The following CCDC158 variants were observed in gnomAD, a reference collection of about 807,000 sequenced individuals.
CCDC158 encodes coiled-coil domain containing 158.
CCDC158 carries 116 observed loss-of-function variants against 138.6 expected under a neutral mutation model. The observed-to-expected ratio is 0.84, with a 90% confidence interval of 0.72 to 0.98. The LOEUF is 0.98. Ranked by LOEUF, CCDC158 falls within the 50% of genes least tolerant of loss-of-function variation. The pLI, the probability that CCDC158 is intolerant of heterozygous loss-of-function variation, is 0.00. For synonymous variants in CCDC158, 436 were observed against 442.4 expected, an observed-to-expected ratio of 0.99 and a Z score of 0.18; for missense variants, 1,265 against 1,306.1, an observed-to-expected ratio of 0.97 and a Z score of 0.48.
At chr4:76,370,872 C>T (rs1257390993) in intron 10 of CCDC158, among the ~76,000 whole-genome samples, 3 of 152,238 alleles carry the variant, frequency 2.0e-5, no homozygotes, top group African/African-American at 7.2e-5. Flanking sequence ...GCAAAGAGCA[C>T]CATTCCCTGG....
chr4:76,398,878 A>G (rs1277465512), intron 3 of CCDC158, among the ~76,000 whole-genome samples: 1 of 152,170 alleles, frequency 6.6e-6, no homozygotes, highest in Non-Finnish European at 1.5e-5. Context: ...TTTAAAGAGA[A>G]TAAGGAGAAC....
intron 4 of CCDC158, 61 bp downstream of exon 4, chr4:76,396,208 A>T: frequency 2.5e-6 from 3 of 1,199,040 alleles, no homozygotes; most frequent in Non-Finnish European, 3.6e-6. Context: ...TTACAACTAC[A>T]TACTGGATCT....
intron 3 of CCDC158, among the ~76,000 whole-genome samples, chr4:76,397,624 G>C (rs9968411): frequency 0.59 from 90,018 of 151,998 alleles, 27,815 homozygotes; most frequent in East Asian, 0.8. Context: ...TTGTAGAAGA[G>C]AGAAAATGAA....
chr4:76,348,296 G>A (rs190862484), intron 18 of CCDC158, among the ~76,000 whole-genome samples: 25 of 150,502 alleles, frequency 1.7e-4, no homozygotes, highest in Middle Eastern at 6.9e-3. Flanking sequence ...TTAGCCAGGC[G>A]AGGTGGTGGG....
At position 76,421,006 on chromosome 4, in the gene CCDC158, G is replaced by C. The variant is rs56367238; in HGVS notation, c.-158C>G. ...ATCCTAAGACACCGGCCACATCTCC[G>C]CGGGGCGCCGGCGGGCGCAGCGGCC... is the stretch of plus-strand genomic sequence containing the variant. On this transcript the variant is annotated 5_prime_UTR_variant, in exon 1 of 25. Coordinates refer to ENST00000682701, the MANE Select transcript of CCDC158 (RefSeq NM_001394954.1). 0.31 allele frequency among the ~76,000 whole-genome samples: 46,858 copies of C among 151,818 alleles called. 9,184 individuals are homozygous for C. Among genetic ancestry groups the C allele is most frequent in the Non-Finnish European group, 0.44 (29,916 of 67,876 alleles).
intron 21 of CCDC158, among the ~76,000 whole-genome samples, chr4:76,330,773 T>C (rs982631831): frequency 6.6e-6 from 1 of 152,136 alleles, no homozygotes; most frequent in Admixed American, 6.5e-5. Context: ...CATATGCAAA[T>C]ACTATGCCAT....
In CCDC158 at chr4:76,384,099, T is replaced by G. The variant is rs530525022; in HGVS notation, c.715A>C (p.Arg239=). The G allele has an allele frequency of 1.3e-6, 2 of 1,598,658 alleles. No homozygotes were observed. Among genetic ancestry groups the G allele is most frequent in the South Asian group, 2.2e-5 (2 of 90,152 alleles). Residue 239 remains arginine, a synonymous_variant, in exon 6 of 25, where the codon AGG becomes CGG. Transcript: ENST00000682701. ...LDTEISYLKG[R]IFPVEDQLEA... ...TTCTCACCACTTACTGGAAATATCC[T>G]CCCTTTAAGATAAGAAATCTCTGTG...
At chr4:76,332,189 A>T (rs1238322178) in intron 20 of CCDC158, among the ~76,000 whole-genome samples, 3 of 152,156 alleles carry the variant, frequency 2.0e-5, no homozygotes, top group Admixed American at 6.6e-5. Context: ...TACCATAATA[A>T]TAGCTTCATA....
intron 18 of CCDC158, among the ~76,000 whole-genome samples, chr4:76,337,808 T>C (rs1166153796): frequency 2.0e-5 from 3 of 151,930 alleles, no homozygotes; most frequent in African/African-American, 4.8e-5. Context: ...ATCAGGCTTG[T>C]AAAGAAATAA....
rs202150852 is a variant in CCDC158 at position 76,382,663 on chromosome 4, A to G, written c.861T>C (p.Ala287=). The G allele has an allele frequency of 1.2e-6, 2 of 1,613,754 alleles. No homozygotes were observed. Among genetic ancestry groups the G allele is most frequent in the Non-Finnish European group, 1.7e-6 (2 of 1,179,782 alleles). The change falls in exon 8 of 25, where the codon GCT becomes GCC. Residue 287 remains alanine (A), a synonymous_variant. Transcript: ENST00000682701. ...EVEITGLTEK[A]SSARSQANSI... is the part of the protein sequence containing the mutation. ...TATTGGCTTGGCTTCGAGCACTGCT[A>G]GCTTTCTCAGTAAGTCCTGTTATTT...
chr4:76,314,756 C>G (rs1486677406), intron 24 of CCDC158, among the ~76,000 whole-genome samples: 1 of 152,168 alleles, frequency 6.6e-6, no homozygotes, highest in Non-Finnish European at 1.5e-5. Flanking sequence ...GGAAGCCATC[C>G]CTGACTATAT....
chr4:76,409,192 T>A (rs373859960), intron 2 of CCDC158, among the ~76,000 whole-genome samples: 3 of 152,344 alleles, frequency 2.0e-5, no homozygotes, highest in African/African-American at 7.2e-5. Context: ...TGACCATATA[T>A]CCTGAATTTG....
chr4:76,413,376 G>A (rs993474600), intron 1 of CCDC158, among the ~76,000 whole-genome samples: 4 of 150,970 alleles, frequency 2.6e-5, no homozygotes, highest in East Asian at 2.0e-4. Context: ...TCAGGAGGCC[G>A]AGGTGGGAGT....
At chr4:76,399,700 AG>A (rs775712584) in intron 3 of CCDC158, among the ~76,000 whole-genome samples, 27 of 152,256 alleles carry the variant, frequency 1.8e-4, no homozygotes, top group Non-Finnish European at 2.6e-4. Flanking sequence ...TTTGGGGAAA[AG>A]GGTTTTTGTC....
intron 2 of CCDC158, among the ~76,000 whole-genome samples, chr4:76,411,441 C>T: frequency 6.6e-6 from 1 of 152,062 alleles, no homozygotes; most frequent in East Asian, 1.9e-4. Flanking sequence ...AATCCCAATA[C>T]TATCTTTATA....
chr4:76,403,333 T>C, intron 2 of CCDC158, 53 bp from the exon 3 acceptor site: 6 of 555,522 alleles, frequency 1.1e-5, no homozygotes, highest in East Asian at 3.4e-5. Flanking sequence ...GTGAAAAAAG[T>C]TCATAGAAGA....
At chr4:76,323,915 C>T (rs1720279665) in intron 23 of CCDC158, among the ~76,000 whole-genome samples, 1 of 152,154 alleles carries the variant, frequency 6.6e-6, no homozygotes, top group South Asian at 2.1e-4. Context: ...CATGATCACA[C>T]TGAACCTAGA....
In CCDC158 at chr4:76,328,943, T is replaced by C; in HGVS notation, c.2967A>G (p.Gly989=). The change falls in exon 22 of 25, where the codon GGA becomes GGG. Residue 989 remains glycine (G), a synonymous_variant. Transcript: ENST00000682701. Reference sequence around the variant, plus strand: ...AGCAACCAGAGGGATCTTCCCTGTCTCCTGCGTGTAATGTGACTGGCTCTC... The same window carrying C: ...AGCAACCAGAGGGATCTTCCCTGTCCCCTGCGTGTAATGTGACTGGCTCTC... The part of the protein sequence containing the change: ...LSREPVTLHA[G]DREDPSGCFT... The C allele has an allele frequency of 6.2e-7, 1 of 1,613,942 alleles. No homozygotes were observed. Among genetic ancestry groups the C allele is most frequent in the Non-Finnish European group, 8.5e-7 (1 of 1,179,816 alleles).
At chr4:76,370,721 G>A (rs7687227) in intron 10 of CCDC158, among the ~76,000 whole-genome samples, 14 of 152,224 alleles carry the variant, frequency 9.2e-5, no homozygotes, top group African/African-American at 3.4e-4. Flanking sequence ...AATTAGATAG[G>A]AGAACACTGA....
Sources: gnomAD v4.1 joint callset for allele counts (sites outside exome capture counted in the v4.1 genomes callset) on GRCh38, gnomAD v4.1.1 for gene constraint, MANE v1.5 for transcripts, NCBI Gene and HGNC (gene_info 2026-07-23, HGNC 2026-07-21) for gene names.